SPIRE2: variants seen among roughly 807,000 people sequenced by gnomAD.
SPIRE2 encodes spire type actin nucleation factor 2.
SPIRE2 carries 76 observed loss-of-function variants against 80.7 expected under a neutral mutation model. That is an observed-to-expected ratio of 0.94 (90% CI 0.78 to 1.14). SPIRE2 has a LOEUF of 1.14. Ranked by LOEUF, SPIRE2 falls within the 50% of genes most tolerant of loss-of-function variation. The probability of loss-of-function intolerance (pLI) is 0.00; values close to 1 mark genes in which losing one functional copy is unlikely to be tolerated. For synonymous variants in SPIRE2, 535 were observed against 432.6 expected (o/e 1.24, Z -2.94); for missense variants, 1,196 against 1,015.3 (o/e 1.18, Z -2.42).
At chr16:89,855,544 G>A (rs999459272) in intron 5 of SPIRE2, 56 bp from the exon 6 acceptor site, 14 of 1,515,752 alleles carry the variant, frequency 9.2e-6, no homozygotes, top group Admixed American at 8.6e-5. Flanking sequence ...TCTCCCAGTC[G>A]CCCTGCACTA....
rs1597226357 is a variant in SPIRE2, at chr16:89,868,169, T to G, written c.1779-20T>G. The G allele has an allele frequency of 6.2e-7, 1 of 1,614,118 alleles. No individual in the cohort carries two copies. Among genetic ancestry groups the G allele is most frequent in the East Asian group, 2.2e-5 (1 of 44,888 alleles). On this transcript the variant is annotated intron_variant, in intron 12 of 14. Coordinates refer to ENST00000378247, the MANE Select transcript of SPIRE2 (RefSeq NM_032451.2). ...GGGCTTCCTCCCTGCTGATGCTGCATTTCCTCTGTTCCCTTCCAGAGCCGT... is the reference window on the plus strand; with the variant it reads ...GGGCTTCCTCCCTGCTGATGCTGCAGTTCCTCTGTTCCCTTCCAGAGCCGT...
At chr16:89,868,323 T>C (rs2041807667) in intron 13 of SPIRE2, 107 bp downstream of exon 13, 1 of 1,153,804 alleles carries the variant, frequency 8.7e-7, no homozygotes, top group Admixed American at 1.9e-5. Flanking sequence ...ACCTCATCCA[T>C]TTCCTTTCAG....
chr16:89,836,712 G>C (rs1598217508), intron 1 of SPIRE2, among the ~76,000 whole-genome samples: 1 of 151,870 alleles, frequency 6.6e-6, no homozygotes, highest in Non-Finnish European at 1.5e-5. Flanking sequence ...GGGGGCGGTG[G>C]CTCACGCCTG....
intron 12 of SPIRE2, among the ~76,000 whole-genome samples, chr16:89,865,756 C>T (rs965893899): frequency 2.6e-5 from 4 of 151,862 alleles, no homozygotes; most frequent in Non-Finnish European, 5.9e-5. Context: ...ATCACGAGGT[C>T]GGGAGATCGA....
In SPIRE2 at chr16:89,860,646, G is replaced by C. The variant is rs1217482622; in HGVS notation, c.1463-37G>C. The C allele has an allele frequency of 2.1e-6, 3 of 1,402,710 alleles. No individual in the cohort carries two copies. In the African/African-American group the frequency reaches 4.3e-5, roughly 20 times the overall value. 86.9% of individuals were successfully genotyped at this position (1,402,710 alleles called of 1,614,324 possible). A position where few individuals can be genotyped will look rare whatever the true frequency, so the allele number is the denominator to read the frequency against. ...CACAGTCCTCTTTACCACAGCTCCT[G>C]CCAGGCAGTCCTGATGGAGCCTCTG... is the stretch of plus-strand genomic sequence containing the variant. On this transcript the variant is annotated intron_variant, in intron 9 of 14. Transcript: ENST00000378247.
At chr16:89,855,954 C>G in intron 6 of SPIRE2, 159 bp from the exon 7 acceptor site, 1 of 1,316,684 alleles carries the variant, frequency 7.6e-7, no homozygotes, top group Non-Finnish European at 1.0e-6. Flanking sequence ...CCCCTGGGAG[C>G]AGCACTCCCT....
Position 89,845,299 on chromosome 16 carries a change from C to G in SPIRE2, c.245-23C>G, listed in dbSNP as rs200461238. 3.1e-6 allele frequency: 5 copies of G among 1,613,196 alleles called. No homozygotes were observed. The Admixed American group carries it at 5.0e-5, about 16-fold the overall frequency. ...GGGTCCCGGGGATGCTGACAAATAA[C>G]TTAACTCCCTCTTCTCTTACAGAAC... is the stretch of plus-strand genomic sequence containing the variant. On this transcript the variant is annotated intron_variant, in intron 1 of 14. Transcript: ENST00000378247.
chr16:89,864,679 C>T (rs1240910604), intron 12 of SPIRE2, among the ~76,000 whole-genome samples: 4 of 152,208 alleles, frequency 2.6e-5, no homozygotes, highest in Admixed American at 6.5e-5. Flanking sequence ...ACAAAGGACT[C>T]GCCTCACTAA....
At chr16:89,829,303 T>C (rs1395936494) in intron 1 of SPIRE2, among the ~76,000 whole-genome samples, 1 of 152,188 alleles carries the variant, frequency 6.6e-6, no homozygotes, top group Non-Finnish European at 1.5e-5. Context: ...GTGTGTAAAG[T>C]TGGGGGGACA....
chr16:89,858,578 C>T lies in SPIRE2; in HGVS notation c.1272+71C>T, dbSNP rs533731079. On this transcript the variant is annotated intron_variant, in intron 8 of 14. Coordinates refer to ENST00000378247, the MANE Select transcript of SPIRE2 (RefSeq NM_032451.2). ...ATGGGGGCCAAGGAAGTGAGAAGGG[C>T]TAAGCTAAGCCGGGGGCAGCAGCAA... 6.4e-4 allele frequency: 909 copies of T among 1,419,026 alleles called. 2 individuals are homozygous for T. The highest frequency in any genetic ancestry group is 8.2e-4 in the Non-Finnish European group (876 of 1,072,316). 87.9% of individuals were successfully genotyped at this position (1,419,026 alleles called of 1,614,324 possible).
chr16:89,854,771 C>T, intron 5 of SPIRE2, 120 bp downstream of exon 5: 1 of 1,106,342 alleles, frequency 9.0e-7, no homozygotes, highest in East Asian at 2.4e-5. Context: ...AGGGTCCCTG[C>T]TCTCTGTGCT....
At chr16:89,850,694 C>T (rs868163817) in intron 3 of SPIRE2, 34 bp downstream of exon 3, 4 of 445,316 alleles carry the variant, frequency 9.0e-6, no homozygotes, top group African/African-American at 2.3e-5. Context: ...GTGGAGGGTC[C>T]GGGAGGCCAG....
At chr16:89,859,700 G>C (rs1022780495) in intron 9 of SPIRE2, among the ~76,000 whole-genome samples, 3 of 152,174 alleles carry the variant, frequency 2.0e-5, no homozygotes, top group African/African-American at 4.8e-5. Context: ...TGTGTCCGTG[G>C]GGAGCCGGCT....
intron 1 of SPIRE2, among the ~76,000 whole-genome samples, chr16:89,838,863 G>C (rs374687155): frequency 6.6e-6 from 1 of 151,798 alleles, no homozygotes; most frequent in East Asian, 2.0e-4. Flanking sequence ...CCGCACAAAG[G>C]GCTCTTGTTC....
chr16:89,863,903 AG>A lies in SPIRE2; in HGVS notation c.1778+44del, dbSNP rs775842309. ...GCTGTCAGTTCACAAGGGAAGGAGG[AG>A]GCGAGAAACCTCGGGGCAGTACCGC... On this transcript the variant is annotated intron_variant, in intron 12 of 14. Coordinates refer to ENST00000378247, the MANE Select transcript of SPIRE2 (RefSeq NM_032451.2). This position sits in a 1 kb window ranked among gnomAD's most constrained non-coding sequence, Gnocchi z 4.3. 7 of 1,542,704 alleles carry A rather than the reference AG, an allele frequency of 4.5e-6. No individual in the cohort carries two copies. Among genetic ancestry groups the A allele is most frequent in the Non-Finnish European group, 6.2e-6 (7 of 1,122,996 alleles).
rs2041829940 is a variant in SPIRE2, at chr16:89,870,387, A to C, written c.*115A>C. ...ATATAGATACATTTATAATATATAC[A>C]CACAGTCTATATATTTATATACACT... On this transcript the variant is annotated 3_prime_UTR_variant, in exon 15 of 15. Coordinates refer to ENST00000378247, the MANE Select transcript of SPIRE2 (RefSeq NM_032451.2). 3.1e-6 allele frequency: 2 copies of C among 643,034 alleles called. No individual in the cohort carries two copies. Among genetic ancestry groups the C allele is most frequent in the African/African-American group, 3.6e-5 (2 of 54,992 alleles). 39.8% of individuals were successfully genotyped at this position (643,034 alleles called of 1,614,324 possible).
chr16:89,836,456 A>G (rs539317561), intron 1 of SPIRE2: 25 of 314,258 alleles, frequency 8.0e-5, no homozygotes, highest in South Asian at 6.0e-4. Context: ...GTCTCTCTCC[A>G]TCCTCCCTTC....
At chr16:89,843,387 A>C (rs2041521931) in intron 1 of SPIRE2, among the ~76,000 whole-genome samples, 2 of 152,070 alleles carry the variant, frequency 1.3e-5, no homozygotes, top group Admixed American at 1.3e-4. Flanking sequence ...TCAATGAAAT[A>C]CGTGACTCCA....
intron 2 of SPIRE2, among the ~76,000 whole-genome samples, chr16:89,849,104 T>C (rs1232932161): frequency 6.6e-6 from 1 of 152,270 alleles, no homozygotes; most frequent in Non-Finnish European, 1.5e-5. Flanking sequence ...GGATCAGGTT[T>C]CCTGGGCTCC....
Sources: allele counts gnomAD v4.1 joint callset (sites outside exome capture counted in the v4.1 genomes callset), GRCh38; gene constraint gnomAD v4.1.1; non-coding constraint Gnocchi (gnomAD v3.1); transcripts MANE v1.5; gene names NCBI Gene and HGNC (gene_info 2026-07-23, HGNC 2026-07-21).